DCT: variants seen among roughly 807,000 people sequenced by gnomAD.
DCT encodes the protein L-dopachrome tautomerase.
A neutral mutation model predicts 53.0 loss-of-function variants in DCT; 47 were observed. That is an observed-to-expected ratio of 0.89 (90% CI 0.70 to 1.13). The LOEUF is 1.13. Ranked by LOEUF, DCT falls within the 50% of genes most tolerant of loss-of-function variation. DCT has a pLI of 0.00. For synonymous variants in DCT, 244 were observed against 237.0 expected (o/e 1.03, Z -0.27); for missense variants, 669 against 637.4 (o/e 1.05, Z -0.53).
At chr13:94,451,929 T>C (rs1883121076) in intron 6 of DCT, among the ~76,000 whole-genome samples, 1 of 152,264 alleles carries the variant, frequency 6.6e-6, no homozygotes, top group South Asian at 2.1e-4. Flanking sequence ...GTTTTTTTTT[T>C]CTTTTTCCAG....
chr13:94,440,338 C>T lies in DCT; in HGVS notation c.1382-262G>A, dbSNP rs568212046. Among the ~76,000 whole-genome samples, 242 of 152,128 alleles carry T rather than the reference C, an allele frequency of 1.6e-3. No individual in the cohort carries two copies. The highest frequency in any genetic ancestry group is 2.7e-3 in the Non-Finnish European group (186 of 68,002). ...AATTTGTTACAATAAATGCTTATGC[C>T]GAAGAAACCTTCTAAGGAAGAATGT... On this transcript the variant is annotated intron_variant, in intron 7 of 7. Transcript: ENST00000377028.
the DCT span, among the ~76,000 whole-genome samples, chr13:94,505,915 T>A: frequency 2.4e-3 from 363 of 152,260 alleles, 2 homozygotes; most frequent in African/African-American, 8.5e-3. Flanking sequence ...CATGTGAGCT[T>A]GGAAGTGAAT....
At chr13:94,460,569 T>C (rs1883714560) in intron 5 of DCT, among the ~76,000 whole-genome samples, 1 of 152,154 alleles carries the variant, frequency 6.6e-6, no homozygotes, top group Admixed American at 6.5e-5. Context: ...CTGTGATCAG[T>C]AAATTCTTTT....
chr13:94,472,584 T>G (rs1317887514), intron 1 of DCT, among the ~76,000 whole-genome samples: 1 of 83,600 alleles, frequency 1.2e-5, no homozygotes, highest in Non-Finnish European at 2.4e-5. Context: ...TTTTTTTTTT[T>G]TTTTTTTTTT....
At chr13:94,456,685 C>T (rs1164881966) in intron 6 of DCT, among the ~76,000 whole-genome samples, 1 of 152,280 alleles carries the variant, frequency 6.6e-6, no homozygotes, top group African/African-American at 2.4e-5. Flanking sequence ...ACAACATTTT[C>T]ACCACCAGAT....
chr13:94,456,948 G>A (rs1168669722), intron 6 of DCT, among the ~76,000 whole-genome samples: 4 of 152,184 alleles, frequency 2.6e-5, no homozygotes, highest in Non-Finnish European at 4.4e-5. Context: ...TGGCCAACAT[G>A]GCAAAACCTT....
At position 94,479,359 on chromosome 13, in the gene DCT, TTA is replaced by T. The variant is rs1159602142; in HGVS notation, c.-106_-105del. 2 of 1,110,756 alleles carry T rather than the reference TTA, an allele frequency of 1.8e-6. No homozygotes were observed. Among genetic ancestry groups the T allele is most frequent in the African/African-American group, 3.2e-5 (2 of 63,234 alleles). 68.8% of individuals were successfully genotyped at this position (1,110,756 alleles called of 1,614,324 possible). On this transcript the variant is annotated 5_prime_UTR_variant, in exon 1 of 8. Coordinates refer to ENST00000377028, the MANE Select transcript of DCT (RefSeq NM_001922.5). Reference sequence around the variant, plus strand: ...TTCAGTCTTTTCTTTTCAGTATTTTTTATTTTTCTTTGCTTTCTATTCCTTTC... The same window carrying T: ...TTCAGTCTTTTCTTTTCAGTATTTTTTTTTTCTTTGCTTTCTATTCCTTTC...
intron 1 of DCT, among the ~76,000 whole-genome samples, chr13:94,478,565 C>G (rs1885255444): frequency 6.6e-6 from 1 of 152,210 alleles, no homozygotes; most frequent in Admixed American, 6.5e-5. Context: ...TTCCGAATGC[C>G]AAGCTTCACC....
At chr13:94,445,023 A>G (rs935789808) in intron 6 of DCT, among the ~76,000 whole-genome samples, 1 of 152,230 alleles carries the variant, frequency 6.6e-6, no homozygotes, top group African/African-American at 2.4e-5. Context: ...TTAGCATACA[A>G]CCTGGACAGA....
chr13:94,509,402 C>T, the DCT span, among the ~76,000 whole-genome samples: 1 of 151,794 alleles, frequency 6.6e-6, no homozygotes, highest in Non-Finnish European at 1.5e-5. Flanking sequence ...GTACTGACAT[C>T]TCCCCCCACA....
At chr13:94,522,247 A>C in the DCT span, among the ~76,000 whole-genome samples, 1 of 152,174 alleles carries the variant, frequency 6.6e-6, no homozygotes, top group Non-Finnish European at 1.5e-5. Flanking sequence ...CCTTAATCTG[A>C]GTGGGCACAA....
the DCT span, among the ~76,000 whole-genome samples, chr13:94,517,071 TC>T: frequency 6.6e-6 from 1 of 152,008 alleles, no homozygotes; most frequent in Non-Finnish European, 1.5e-5. Context: ...TTCTAAAATT[TC>T]CCCCCAAATA....
In DCT at chr13:94,468,984, C is replaced by G; in HGVS notation, c.357G>C (p.Glu119Asp). The change falls in exon 2 of 8, where the codon GAG (glutamate) becomes GAC (aspartate). Residue 119 changes from glutamate (E) to aspartate (D), a missense_variant. By Grantham distance (45) the Glu-to-Asp change is conservative. Coordinates refer to ENST00000377028, the MANE Select transcript of DCT (RefSeq NM_001922.5). ...GCCGAATCACTGGTGGTTTCTTCCGCTCGCAGTTGGGACCGGTCCAGCCAA... is the reference window on the plus strand; with the variant it reads ...GCCGAATCACTGGTGGTTTCTTCCGGTCGCAGTTGGGACCGGTCCAGCCAA... The part of the protein sequence containing the change: ...CKFGWTGPNC[E>D]RKKPPVIRQN... The G allele has an allele frequency of 6.2e-7, 1 of 1,614,156 alleles. No individual in the cohort carries two copies. The highest frequency in any genetic ancestry group is 8.5e-7 in the Non-Finnish European group (1 of 1,180,014).
chr13:94,514,713 C>T, the DCT span, among the ~76,000 whole-genome samples: 4 of 152,162 alleles, frequency 2.6e-5, no homozygotes, highest in East Asian at 1.9e-4. Flanking sequence ...CAGGGCAAGG[C>T]GGGAAGGGGG....
the DCT span, among the ~76,000 whole-genome samples, chr13:94,541,522 A>G: frequency 6.6e-6 from 1 of 152,056 alleles, no homozygotes; most frequent in South Asian, 2.1e-4. Context: ...AAAGAAAAAA[A>G]AAAGATCTAG....
the DCT span, among the ~76,000 whole-genome samples, chr13:94,525,435 G>C: frequency 0.4 from 61,306 of 151,860 alleles, 13,109 homozygotes; most frequent in East Asian, 0.62. Context: ...AGGCCACTCG[G>C]TTTGTGGCAC....
At chr13:94,459,798 C>G (rs1442824616) in intron 6 of DCT, among the ~76,000 whole-genome samples, 1 of 152,188 alleles carries the variant, frequency 6.6e-6, no homozygotes, top group East Asian at 1.9e-4. Flanking sequence ...ACAATACTCA[C>G]TTAGCCAATG....
chr13:94,496,104 T>C, the DCT span, among the ~76,000 whole-genome samples: 3 of 152,202 alleles, frequency 2.0e-5, no homozygotes, highest in South Asian at 2.1e-4. Context: ...TCTGACCTCA[T>C]TCTGAACCTT....
intron 6 of DCT, among the ~76,000 whole-genome samples, chr13:94,454,722 T>C (rs181973478): frequency 6.6e-6 from 1 of 152,318 alleles, no homozygotes; most frequent in Non-Finnish European, 1.5e-5. Flanking sequence ...GAATTTGAAA[T>C]TCCAGAAGCT....
Sources: allele counts gnomAD v4.1 joint callset (sites outside exome capture counted in the v4.1 genomes callset), GRCh38; gene constraint gnomAD v4.1.1; transcripts MANE v1.5; gene names NCBI Gene and HGNC (gene_info 2026-07-23, HGNC 2026-07-21).